Variants in PILRA observed in about 807,000 individuals in gnomAD.
PILRA encodes paired immunoglobulin-like type 2 receptor alpha.
A neutral mutation model predicts 33.1 loss-of-function variants in PILRA; 37 were observed. That is an observed-to-expected ratio of 1.12 (90% CI 0.86 to 1.47). The LOEUF is 1.47. Ranked by LOEUF, PILRA falls within the 40% of genes most tolerant of loss-of-function variation. The pLI is 0.00. For missense variants in PILRA, 312 were observed against 376.2 expected, an observed-to-expected ratio of 0.83 and a Z score of 1.41; for synonymous variants, 146 against 149.9, an observed-to-expected ratio of 0.97 and a Z score of 0.19.
rs781584177 is a variant in PILRA, at chr7:100,399,954, G to A, written c.*47G>A. The A allele has an allele frequency of 1.3e-6, 2 of 1,528,384 alleles. No homozygotes were observed. Among genetic ancestry groups the A allele is most frequent in the Non-Finnish European group, 1.8e-6 (2 of 1,135,090 alleles). The allele number at this position is 1,528,384 out of a possible 1,614,324, so 94.7% of individuals were successfully genotyped here. ...ACTGAATGGTGAGGCCAGGTACAGT[G>A]GCGCACACCTGTAATCCCAGCTACT... On this transcript the variant is annotated 3_prime_UTR_variant, in exon 7 of 7. Transcript: ENST00000198536.
At chr7:100,374,539 C>T (rs1233687828) in intron 2 of PILRA, 106 bp downstream of exon 2, 3 of 1,354,204 alleles carry the variant, frequency 2.2e-6, no homozygotes, top group South Asian at 2.4e-5. Context: ...TCTGACGACC[C>T]CTAAGTTCTC....
At chr7:100,379,022 G>A (rs1215319518) in intron 2 of PILRA, among the ~76,000 whole-genome samples, 2 of 150,948 alleles carry the variant, frequency 1.3e-5, no homozygotes, top group Non-Finnish European at 3.0e-5. Context: ...CAACCCAGGA[G>A]GCGGAGCTTG....
Position 100,374,432 on chromosome 7 carries a change from G to T in PILRA, c.453G>T (p.Gln151His), listed in dbSNP as rs373188096. Residue 151 changes from glutamine (Q) to histidine (H), a missense_variant and splice_region_variant, in exon 2 of 7, where the codon CAG becomes CAT. Physicochemically the swap from Gln to His is conservative, Grantham distance 24. Transcript: ENST00000198536. ...SIEGTKLSIT[Q>H]AVTTTTQRPS... ...AGGGGACCAAACTCTCCATCACCCA[G>T]GGTGAGTCCAGCTGCCCTGGCACCC... 6.2e-7 allele frequency: 1 copy of T among 1,613,884 alleles called. No homozygotes were observed. The highest frequency in any genetic ancestry group is 1.1e-5 in the South Asian group (1 of 91,068).
chr7:100,386,831 A>T (rs1002038374), intron 2 of PILRA, among the ~76,000 whole-genome samples: 1 of 140,280 alleles, frequency 7.1e-6, no homozygotes, highest in African/African-American at 2.7e-5. Flanking sequence ...GCCCAGCTTT[A>T]AAAAAAAAAA....
At chr7:100,381,184 C>T (rs375329455) in intron 2 of PILRA, among the ~76,000 whole-genome samples, 1 of 149,766 alleles carries the variant, frequency 6.7e-6, no homozygotes, top group Admixed American at 6.6e-5. Flanking sequence ...GAGAATGGCG[C>T]GAACCCGGGA....
At chr7:100,392,170 G>A (rs1386534676) in intron 3 of PILRA, among the ~76,000 whole-genome samples, 5 of 152,212 alleles carry the variant, frequency 3.3e-5, no homozygotes, top group African/African-American at 1.2e-4. Flanking sequence ...TTAGCCAAGT[G>A]TGGTGGTACG....
intron 2 of PILRA, among the ~76,000 whole-genome samples, chr7:100,384,385 G>C (rs1405123215): frequency 4.0e-5 from 6 of 150,516 alleles, no homozygotes; most frequent in Non-Finnish European, 7.4e-5. Context: ...ACCCAGCCTG[G>C]GCAACATAAT....
At chr7:100,375,724 T>G (rs113202779) in intron 2 of PILRA, among the ~76,000 whole-genome samples, 3,110 of 147,482 alleles carry the variant, frequency 0.021, 45 homozygotes, top group Middle Eastern at 0.042. Context: ...AAAGTGAGAC[T>G]CCGCCTCAAA....
At chr7:100,379,648 A>G (rs539291381) in intron 2 of PILRA, among the ~76,000 whole-genome samples, 7 of 148,900 alleles carry the variant, frequency 4.7e-5, no homozygotes, top group Admixed American at 2.7e-4. Context: ...AGCCTGAGCA[A>G]CAGACGGAGA....
At chr7:100,374,558 C>T (rs1394531819) in intron 2 of PILRA, 125 bp downstream of exon 2, 4 of 1,105,464 alleles carry the variant, frequency 3.6e-6, no homozygotes, top group Non-Finnish European at 5.4e-6. Flanking sequence ...TCTCTTTGGC[C>T]CCTAACACTT....
At chr7:100,390,510 C>T (rs1791368648) in intron 3 of PILRA, among the ~76,000 whole-genome samples, 1 of 152,204 alleles carries the variant, frequency 6.6e-6, no homozygotes, top group Non-Finnish European at 1.5e-5. Context: ...CTTGAAACTG[C>T]AGAAGCAAAG....
chr7:100,390,964 A>T (rs538158654), intron 3 of PILRA, among the ~76,000 whole-genome samples: 47 of 152,046 alleles, frequency 3.1e-4, no homozygotes, highest in Admixed American at 1.2e-3. Flanking sequence ...AGTGCAGTGC[A>T]GGGGTGAGGT....
rs896032723 is a variant in PILRA, at chr7:100,400,072, A to G, written c.*165A>G. Reference sequence around the variant, plus strand: ...CCATCTCTAGTTAAAAATATATATTAACAATAAAGTAACAAATTTAAAAAG... The same window carrying G: ...CCATCTCTAGTTAAAAATATATATTGACAATAAAGTAACAAATTTAAAAAG... On this transcript the variant is annotated 3_prime_UTR_variant, in exon 7 of 7. Coordinates refer to ENST00000198536, the MANE Select transcript of PILRA (RefSeq NM_013439.3). 2 of 533,898 alleles carry G rather than the reference A, an allele frequency of 3.7e-6. No homozygotes were observed. Among genetic ancestry groups the G allele is most frequent in the Non-Finnish European group, 6.1e-6 (2 of 327,310 alleles). The allele number at this position is 533,898 out of a possible 1,614,324, so 33.1% of individuals were successfully genotyped here.
At chr7:100,380,289 C>T (rs1002948624) in intron 2 of PILRA, among the ~76,000 whole-genome samples, 12 of 152,198 alleles carry the variant, frequency 7.9e-5, no homozygotes, top group Admixed American at 4.6e-4. Context: ...TCCCATGAAA[C>T]GCAAAGAACA....
rs1790864969 is a variant in PILRA, at chr7:100,373,577, C to G, written c.-80C>G. Reference sequence around the variant, plus strand: ...CGGCTCTCCTCACTCACCTCAACCCCCAGGCGGCCCCTCCACAGGGCCCCT... The same window carrying G: ...CGGCTCTCCTCACTCACCTCAACCCGCAGGCGGCCCCTCCACAGGGCCCCT... On this transcript the variant is annotated 5_prime_UTR_variant, in exon 1 of 7. Transcript: ENST00000198536. 6.5e-7 allele frequency: 1 copy of G among 1,533,504 alleles called. No homozygotes were observed. The highest frequency in any genetic ancestry group is 9.0e-7 in the Non-Finnish European group (1 of 1,111,996). The allele number at this position is 1,533,504 out of a possible 1,614,324, so 95.0% of individuals were successfully genotyped here.
At chr7:100,375,121 C>T (rs1288876857) in intron 2 of PILRA, among the ~76,000 whole-genome samples, 1 of 152,180 alleles carries the variant, frequency 6.6e-6, no homozygotes, top group Non-Finnish European at 1.5e-5. Context: ...CCCCTGCAGC[C>T]CCCACTTTCC....
chr7:100,393,314 T>C (rs931693185), intron 3 of PILRA, among the ~76,000 whole-genome samples: 4 of 151,834 alleles, frequency 2.6e-5, no homozygotes, highest in African/African-American at 9.7e-5. Flanking sequence ...CAACCACTTA[T>C]GATTTTTTTT....
chr7:100,380,828 A>G (rs2130178780), intron 2 of PILRA, among the ~76,000 whole-genome samples: 1 of 152,222 alleles, frequency 6.6e-6, no homozygotes, highest in Non-Finnish European at 1.5e-5. Flanking sequence ...AAAATTAGCC[A>G]GGTGTGCTGG....
chr7:100,399,285 A>G lies in PILRA; in HGVS notation c.708-6A>G, dbSNP rs1044184865. 3 of 1,607,798 alleles carry G rather than the reference A, an allele frequency of 1.9e-6. No individual in the cohort carries two copies. Among genetic ancestry groups the G allele is most frequent in the Middle Eastern group, 1.6e-4 (1 of 6,066 alleles). ...ACATATTTCCTGTCCTCTTGTTCCC[A>G]TACAGGGAACCCTTCCAAAACACAG... On this transcript the variant is annotated splice_region_variant and splice_polypyrimidine_tract_variant and intron_variant, in intron 4 of 6. Transcript: ENST00000198536.
Sources: gnomAD v4.1 joint callset for allele counts (sites outside exome capture counted in the v4.1 genomes callset) on GRCh38, gnomAD v4.1.1 for gene constraint, MANE v1.5 for transcripts, NCBI Gene and HGNC (gene_info 2026-07-23, HGNC 2026-07-21) for gene names.